The following NASP variants were observed in gnomAD, a reference collection of about 807,000 sequenced individuals.
The protein encoded by NASP is NASP histone chaperone.
A neutral mutation model predicts 89.5 loss-of-function variants in NASP; 24 were observed. The ratio of observed to expected loss-of-function variants is 0.27; its 90% CI spans 0.19 to 0.38. The LOEUF is 0.38. Among genes scored for constraint, NASP ranks in the 10% least tolerant of loss-of-function variants. NASP has a pLI of 1.00. For missense variants in NASP, 848 were observed against 921.4 expected (o/e 0.92, Z 1.03); for synonymous variants, 306 against 324.7 (o/e 0.94, Z 0.62).
In NASP at chr1:45,618,369, C is replaced by G; in HGVS notation, c.*228C>G. On this transcript the variant is annotated 3_prime_UTR_variant, in exon 15 of 15. Transcript: ENST00000350030. The stretch of plus-strand genomic sequence containing the variant: ...TCTGTACTGATCTGTGTTCCTGATC[C>G]TAATTCCTATCTGTCTAACGTGGAG... The G allele has an allele frequency of 2.4e-6, 1 of 415,998 alleles. No individual in the cohort carries two copies. The highest frequency in any genetic ancestry group is 2.7e-5 in the South Asian group (1 of 36,404). 25.8% of individuals were successfully genotyped at this position (415,998 alleles called of 1,614,324 possible). A position where few individuals can be genotyped will look rare whatever the true frequency, so the allele number is the denominator to read the frequency against.
intron 1 of NASP, among the ~76,000 whole-genome samples, chr1:45,587,672 A>ATG (rs1644573869): frequency 4.3e-5 from 3 of 70,238 alleles, no homozygotes; most frequent in East Asian, 8.3e-4. Context: ...ATATATATAT[A>ATG]TATATATATA....
At position 45,614,825 on chromosome 1, in the gene NASP, C is replaced by T. The variant is rs1038919396; in HGVS notation, c.1667-188C>T. 1.1e-5 allele frequency: 6 copies of T among 566,170 alleles called. No homozygotes were observed. In the Admixed American group the frequency reaches 1.6e-4, roughly 15 times the overall value. The allele number at this position is 566,170 out of a possible 1,614,324, so 35.1% of individuals were successfully genotyped here. On this transcript the variant is annotated intron_variant, in intron 9 of 14. Transcript: ENST00000350030. ...GTGCTGGGATTACAGGTGTGAGCCA[C>T]CACGCCCAGCCTCAGTAGGTTTTTA...
At chr1:45,601,867 G>T (rs1643855071) in intron 2 of NASP, among the ~76,000 whole-genome samples, 1 of 138,976 alleles carries the variant, frequency 7.2e-6, no homozygotes, top group African/African-American at 2.7e-5. Flanking sequence ...CCATTCTACT[G>T]CCTCAGCCTC....
chr1:45,585,224 C>T (rs1644514677), intron 1 of NASP, among the ~76,000 whole-genome samples: 1 of 152,140 alleles, frequency 6.6e-6, no homozygotes, highest in South Asian at 2.1e-4. Context: ...GTCTGATTTC[C>T]CAATCTTGCC....
At chr1:45,613,451 T>C (rs148020303) in intron 7 of NASP, among the ~76,000 whole-genome samples, 94 of 152,230 alleles carry the variant, frequency 6.2e-4, no homozygotes, top group Middle Eastern at 3.4e-3. Flanking sequence ...GCCCAGCTAG[T>C]TTGCAGGACT....
In NASP at chr1:45,607,810, T is replaced by C. The variant is rs1348708802; in HGVS notation, c.899T>C (p.Leu300Ser). 3 of 1,614,066 alleles carry C rather than the reference T, an allele frequency of 1.9e-6. No homozygotes were observed. Among genetic ancestry groups the C allele is most frequent in the South Asian group, 2.2e-5 (2 of 91,068 alleles). The change falls in exon 6 of 15, where the codon TTA (leucine) becomes TCA (serine). Residue 300 changes from leucine (L) to serine (S), a missense_variant. This residue lies in a region of NASP where 464 missense variants were observed against 469.4 expected (regional missense o/e 0.99). Coordinates refer to ENST00000350030, the MANE Select transcript of NASP (RefSeq NM_002482.4). ...GTAVEVEAES[L>S]DPTVKPVDVG... is the part of the protein sequence containing the mutation. ...GCAGTGGAGGTAGAAGCAGAGTCTT[T>C]AGACCCGACAGTCAAGCCAGTGGAT...
intron 1 of NASP, among the ~76,000 whole-genome samples, chr1:45,588,353 C>T (rs1441651442): frequency 1.3e-5 from 2 of 152,130 alleles, no homozygotes; most frequent in African/African-American, 4.8e-5. Context: ...ATCCACTCAC[C>T]TTGCCTTTCC....
intron 6 of NASP, chr1:45,612,130 C>T (rs1157411540): frequency 6.6e-6 from 1 of 152,054 alleles, no homozygotes; most frequent in Admixed American, 6.6e-5. Context: ...GCCTCGGCCT[C>T]CCAAAGAGCT....
intron 6 of NASP, chr1:45,609,862 T>C (rs1038811242): frequency 1.3e-5 from 2 of 152,164 alleles, no homozygotes; most frequent in African/African-American, 4.8e-5. Flanking sequence ...TTACCACACA[T>C]TGAAGAAGAC....
Position 45,587,678 on chromosome 1 carries a change from AT to A in NASP, c.59+3474del, listed in dbSNP as rs1557647842. On this transcript the variant is annotated intron_variant, in intron 1 of 14. Transcript: ENST00000350030. ...AGTTTTTTCATATATATATATATAT[AT>A]ATATATATAATTAATTTTTTGGAGA... is the stretch of plus-strand genomic sequence containing the variant. 7.7e-4 allele frequency among the ~76,000 whole-genome samples: 68 copies of A among 88,590 alleles called. 4 individuals carry two copies. The highest frequency in any genetic ancestry group is 1.1e-3 in the African/African-American group (24 of 22,522). The allele number at this position is 88,590 out of a possible 152,430, so 58.1% of individuals were successfully genotyped here.
At chr1:45,599,951 G>GTTTTTTTTTT (rs1375366938) in intron 2 of NASP, among the ~76,000 whole-genome samples, 22 of 101,942 alleles carry the variant, frequency 2.2e-4, no homozygotes, top group African/African-American at 9.5e-4. Flanking sequence ...CTTTTCCTCT[G>GTTTTTTTTTT]TATTTTTTTT....
chr1:45,605,250 G>A (rs1643893160), intron 4 of NASP, among the ~76,000 whole-genome samples: 1 of 152,206 alleles, frequency 6.6e-6, no homozygotes, highest in Admixed American at 6.5e-5. Context: ...AAAGTTCAGT[G>A]TAGAGAATCT....
chr1:45,609,826 G>A (rs1643972604), intron 6 of NASP: 2 of 152,168 alleles, frequency 1.3e-5, no homozygotes, highest in African/African-American at 4.8e-5. Context: ...ACCCAGATCT[G>A]CCTTGAATAT....
intron 7 of NASP, among the ~76,000 whole-genome samples, chr1:45,613,613 C>G (rs768780117): frequency 2.6e-5 from 4 of 152,188 alleles, no homozygotes; most frequent in Admixed American, 1.3e-4. Flanking sequence ...TCTCAGATAG[C>G]TAGGTCTCCA....
intron 1 of NASP, among the ~76,000 whole-genome samples, chr1:45,586,544 C>G (rs1449130360): frequency 6.6e-6 from 1 of 152,092 alleles, no homozygotes; most frequent in African/African-American, 2.4e-5. Flanking sequence ...CCACGTGGGC[C>G]TCTCAAAGTG....
chr1:45,587,179 T>C (rs1644564054), intron 1 of NASP, among the ~76,000 whole-genome samples: 1 of 152,084 alleles, frequency 6.6e-6, no homozygotes, highest in Non-Finnish European at 1.5e-5. Flanking sequence ...AACTAGTTCT[T>C]AGTTGGTTTT....
intron 2 of NASP, among the ~76,000 whole-genome samples, chr1:45,596,310 CG>C (rs1453163059): frequency 1.3e-5 from 2 of 152,116 alleles, no homozygotes; most frequent in African/African-American, 4.8e-5. Context: ...TTCACATTGT[CG>C]TATACCCAAT....
chr1:45,597,926 C>G (rs1011974061), intron 2 of NASP, among the ~76,000 whole-genome samples: 2 of 152,174 alleles, frequency 1.3e-5, no homozygotes, highest in African/African-American at 2.4e-5. Context: ...CCTCATACTT[C>G]CCTTCGTCTA....
In NASP at chr1:45,615,267, C is replaced by G. The variant is rs1357405495; in HGVS notation, c.1856-38C>G. 4.3e-6 allele frequency: 7 copies of G among 1,611,382 alleles called. 1 individual carries two copies. Among genetic ancestry groups the G allele is most frequent in the Middle Eastern group, 3.3e-4 (2 of 6,054 alleles). The stretch of plus-strand genomic sequence containing the variant: ...GCAATTAACAAGGAAGAAAACAGTT[C>G]TTTTTTGAGCCATTACTAATCACTT... On this transcript the variant is annotated intron_variant, in intron 10 of 14. Transcript: ENST00000350030.
Sources: allele counts gnomAD v4.1 joint callset (sites outside exome capture counted in the v4.1 genomes callset), GRCh38; gene constraint gnomAD v4.1.1; regional missense constraint gnomAD v4.1.1; transcripts MANE v1.5; gene names NCBI Gene and HGNC (gene_info 2026-07-23, HGNC 2026-07-21).